Variants in SEL1L2 observed in about 807,000 individuals in gnomAD.
The protein encoded by SEL1L2 is protein sel-1 homolog 2.
A neutral mutation model predicts 98.8 loss-of-function variants in SEL1L2; 89 were observed. The ratio of observed to expected loss-of-function variants is 0.90; its 90% CI spans 0.76 to 1.07. The LOEUF is 1.07. SEL1L2 is among the 50% of genes least tolerant of loss of function. The pLI, the probability that SEL1L2 is intolerant of heterozygous loss-of-function variation, is 0.00. For missense variants in SEL1L2, 788 were observed against 812.0 expected (o/e 0.97, Z 0.36); for synonymous variants, 262 against 278.5 (o/e 0.94, Z 0.59).
chr20:13,941,095 T>C (rs1469603024), intron 2 of SEL1L2, among the ~76,000 whole-genome samples: 1 of 152,204 alleles, frequency 6.6e-6, no homozygotes, highest in Non-Finnish European at 1.5e-5. Context: ...AATATAATTA[T>C]TGTTTTGCTT....
chr20:13,966,396 G>A (rs1012184636), intron 1 of SEL1L2, among the ~76,000 whole-genome samples: 1 of 152,028 alleles, frequency 6.6e-6, no homozygotes, highest in Non-Finnish European at 1.5e-5. Context: ...TCAGCTCACT[G>A]CAACCTCTGC....
chr20:13,888,742 GAT>G (rs2047071883), intron 5 of SEL1L2, among the ~76,000 whole-genome samples: 1 of 138,972 alleles, frequency 7.2e-6, no homozygotes, highest in Non-Finnish European at 1.5e-5. Flanking sequence ...GGGTTCAAGT[GAT>G]TCTCCTGCCT....
At chr20:13,955,602 C>T (rs956419235) in intron 2 of SEL1L2, among the ~76,000 whole-genome samples, 1 of 152,120 alleles carries the variant, frequency 6.6e-6, no homozygotes, top group African/African-American at 2.4e-5. Flanking sequence ...GATGGAAATT[C>T]ACTTCTTTAC....
At chr20:13,912,258 G>A (rs977885984) in intron 5 of SEL1L2, among the ~76,000 whole-genome samples, 3 of 151,214 alleles carry the variant, frequency 2.0e-5, no homozygotes, top group African/African-American at 7.3e-5. Flanking sequence ...ATGAAGACAG[G>A]TATGGCATAG....
intron 2 of SEL1L2, among the ~76,000 whole-genome samples, chr20:13,937,212 C>T (rs1410302850): frequency 2.0e-5 from 3 of 152,218 alleles, no homozygotes; most frequent in Admixed American, 1.3e-4. Context: ...ATGGCCCTCC[C>T]TCTGAACTTG....
At chr20:13,988,763 A>G (rs1009707222) in intron 1 of SEL1L2, among the ~76,000 whole-genome samples, 77 of 152,318 alleles carry the variant, frequency 5.1e-4, no homozygotes, top group African/African-American at 1.8e-3. Context: ...CTGTAATCCC[A>G]GCACTTTGGC....
chr20:13,918,865 T>C (rs1026156513), intron 4 of SEL1L2, among the ~76,000 whole-genome samples, 156 bp downstream of exon 4: 10 of 152,240 alleles, frequency 6.6e-5, no homozygotes, highest in Non-Finnish European at 1.5e-4. Flanking sequence ...TGTGGGATTC[T>C]TTAAACACAA....
chr20:13,880,466 T>C (rs898578914), intron 10 of SEL1L2, among the ~76,000 whole-genome samples: 1 of 152,186 alleles, frequency 6.6e-6, no homozygotes, highest in Admixed American at 6.5e-5. Context: ...TAAATTTACA[T>C]GTCCTTAATA....
intron 1 of SEL1L2, among the ~76,000 whole-genome samples, chr20:13,975,179 A>T (rs1052713499): frequency 9.9e-5 from 15 of 152,228 alleles, no homozygotes; most frequent in Non-Finnish European, 1.6e-4. Flanking sequence ...AAAATTAGAA[A>T]ATCTATAAAA....
intron 17 of SEL1L2, among the ~76,000 whole-genome samples, chr20:13,864,499 G>T (rs1323080687): frequency 5.3e-5 from 8 of 152,088 alleles, no homozygotes; most frequent in African/African-American, 1.9e-4. Flanking sequence ...AATTTTAGGG[G>T]AAAAATAGTA....
intron 5 of SEL1L2, among the ~76,000 whole-genome samples, chr20:13,903,746 C>T (rs770609762): frequency 2.0e-5 from 3 of 151,982 alleles, no homozygotes; most frequent in South Asian, 2.1e-4. Context: ...GGGGGGGAGA[C>T]GGAGGTTGCA....
chr20:13,920,184 G>A (rs903231614), intron 3 of SEL1L2, among the ~76,000 whole-genome samples: 3 of 139,684 alleles, frequency 2.1e-5, no homozygotes, highest in African/African-American at 5.3e-5. Context: ...GCTGAGATCA[G>A]GCCACTGCAC....
At position 13,903,241 on chromosome 20, in the gene SEL1L2, C is replaced by T. The variant is rs148040624; in HGVS notation, c.549+10541G>A. Among the ~76,000 whole-genome samples the T allele has an allele frequency of 5.3e-5, 8 of 151,780 alleles. No homozygotes were observed. In the East Asian group the frequency reaches 1.4e-3, roughly 26 times the overall value. ...ACTCTAGATAAATTGCTACTATTTGCTGTTGCTTAATTTAGATATTTCACA... is the reference window on the plus strand; with the variant it reads ...ACTCTAGATAAATTGCTACTATTTGTTGTTGCTTAATTTAGATATTTCACA... On this transcript the variant is annotated intron_variant, in intron 5 of 19. Transcript: ENST00000284951.
At chr20:13,926,181 T>TG (rs574390522) in intron 3 of SEL1L2, among the ~76,000 whole-genome samples, 57 of 152,232 alleles carry the variant, frequency 3.7e-4, no homozygotes, top group East Asian at 2.9e-3. Context: ...CCAGGCGTGG[T>TG]GCAGGCGCCC....
intron 14 of SEL1L2, among the ~76,000 whole-genome samples, chr20:13,868,396 G>A (rs1354324995): frequency 6.6e-6 from 1 of 151,972 alleles, no homozygotes; most frequent in African/African-American, 2.4e-5. Context: ...CATCTTAAAA[G>A]TAACTCCCTC....
At chr20:13,951,276 C>CAAAAAAAAA (rs764034768) in intron 2 of SEL1L2, among the ~76,000 whole-genome samples, 2 of 25,490 alleles carry the variant, frequency 7.8e-5, no homozygotes, top group African/African-American at 1.5e-4. Context: ...GACTCCGTCT[C>CAAAAAAAAA]AAAAAAAAAA....
chr20:13,900,342 C>T (rs2047614753), intron 5 of SEL1L2, among the ~76,000 whole-genome samples: 1 of 152,100 alleles, frequency 6.6e-6, no homozygotes, highest in South Asian at 2.1e-4. Flanking sequence ...TTTAAATTTG[C>T]AATGTTATCC....
chr20:13,870,140 C>T lies in SEL1L2; in HGVS notation c.1167+1G>A, dbSNP rs775613962. ...AAAGATAATAAAATAATTTAACTTA[C>T]CAGGGGAACTCCTTTTCCATGAAAG... On this transcript the variant is annotated splice_donor_variant, in intron 13 of 19. Coordinates refer to ENST00000284951, the MANE Select transcript of SEL1L2 (RefSeq NM_025229.2). LOFTEE classifies it high-confidence loss of function. 14 of 1,590,600 alleles carry T rather than the reference C, an allele frequency of 8.8e-6. No individual in the cohort carries two copies. In the African/African-American group the frequency reaches 1.6e-4, roughly 18 times the overall value.
At chr20:13,984,187 T>C (rs191756582) in intron 1 of SEL1L2, among the ~76,000 whole-genome samples, 91 of 152,074 alleles carry the variant, frequency 6.0e-4, no homozygotes, top group Non-Finnish European at 1.2e-3. Context: ...AATTTTTGTA[T>C]ATTTAGTAGA....
Sources: gnomAD v4.1 joint callset for allele counts (sites outside exome capture counted in the v4.1 genomes callset) on GRCh38, gnomAD v4.1.1 for gene constraint, MANE v1.5 for transcripts, NCBI Gene and HGNC (gene_info 2026-07-23, HGNC 2026-07-21) for gene names.